The following ANGPT1 variants were observed in gnomAD, a reference collection of about 807,000 sequenced individuals.
The protein encoded by ANGPT1 is angiopoietin 1.
ANGPT1 carries 17 observed loss-of-function variants against 62.2 expected under a neutral mutation model. That is an observed-to-expected ratio of 0.27 (90% CI 0.19 to 0.41). ANGPT1 has a LOEUF of 0.41. ANGPT1 is among the 10% of genes least tolerant of loss of function. The pLI is 1.00. For synonymous variants in ANGPT1, 199 were observed against 198.9 expected (o/e 1.00, Z 0.00); for missense variants, 478 against 594.9 (o/e 0.80, Z 2.04).
chr8:107,322,696 A>T, intron 3 of ANGPT1: 1 of 318,008 alleles, frequency 3.1e-6, no homozygotes, highest in Non-Finnish European at 6.1e-6. Flanking sequence ...ATGTACAATG[A>T]CATTAAGAAA....
intron 3 of ANGPT1, among the ~76,000 whole-genome samples, chr8:107,324,618 G>C (rs141610228): frequency 8.9e-4 from 136 of 152,280 alleles, no homozygotes; most frequent in African/African-American, 3.2e-3. Flanking sequence ...AGAGGAAAAA[G>C]AAGTGTGGCC....
intron 1 of ANGPT1, among the ~76,000 whole-genome samples, chr8:107,457,553 T>C (rs1465236015): frequency 6.6e-6 from 1 of 152,074 alleles, no homozygotes; most frequent in Non-Finnish European, 1.5e-5. Flanking sequence ...AGCAGAAATG[T>C]ACAATAATAG....
intron 7 of ANGPT1, among the ~76,000 whole-genome samples, chr8:107,265,175 C>T (rs1277587020): frequency 1.3e-5 from 2 of 151,828 alleles, no homozygotes; most frequent in Non-Finnish European, 2.9e-5. Context: ...ATCAGTGGCC[C>T]TCTAATGGAT....
chr8:107,446,678 C>T (rs542018280), intron 1 of ANGPT1, among the ~76,000 whole-genome samples: 136 of 152,086 alleles, frequency 8.9e-4, no homozygotes, highest in Non-Finnish European at 1.7e-3. Flanking sequence ...GCTTTGAAAA[C>T]GTAAATGTTG....
At chr8:107,309,058 C>T (rs1167390002) in intron 4 of ANGPT1, among the ~76,000 whole-genome samples, 1 of 152,166 alleles carries the variant, frequency 6.6e-6, no homozygotes, top group African/African-American at 2.4e-5. Context: ...CTCAGCAACA[C>T]TAGCCGAGAA....
At position 107,341,696 on chromosome 8, in the gene ANGPT1, C is replaced by G. The variant is rs147834447; in HGVS notation, c.453+5246G>C. Among the ~76,000 whole-genome samples the G allele has an allele frequency of 4.2e-4, 64 of 150,866 alleles. No individual in the cohort carries two copies. The East Asian group carries it at 0.01, about 24-fold the overall frequency. On this transcript the variant is annotated intron_variant, in intron 2 of 8. Coordinates refer to ENST00000517746, the MANE Select transcript of ANGPT1 (RefSeq NM_001146.5). The stretch of plus-strand genomic sequence containing the variant: ...TATATTTATAATATAATAACCACTT[C>G]ATTTGGTTACAGAATTTAATAGAGA...
chr8:107,462,333 C>T (rs1198678605), intron 1 of ANGPT1, among the ~76,000 whole-genome samples: 1 of 150,946 alleles, frequency 6.6e-6, no homozygotes, highest in Non-Finnish European at 1.5e-5. Context: ...GTCTGGGTAG[C>T]ACGAACATAA....
intron 1 of ANGPT1, among the ~76,000 whole-genome samples, chr8:107,434,169 A>C (rs1044170509): frequency 6.6e-6 from 1 of 152,198 alleles, no homozygotes; most frequent in African/African-American, 2.4e-5. Flanking sequence ...GTAGAGAGAA[A>C]AGGTAATAAC....
intron 1 of ANGPT1, among the ~76,000 whole-genome samples, chr8:107,428,784 T>C (rs1811103907): frequency 6.6e-6 from 1 of 152,170 alleles, no homozygotes; most frequent in African/African-American, 2.4e-5. Context: ...ATTTGTTATT[T>C]TGACCTCTTG....
intron 1 of ANGPT1, among the ~76,000 whole-genome samples, chr8:107,457,301 C>T (rs1246435277): frequency 6.6e-6 from 1 of 152,030 alleles, no homozygotes; most frequent in Non-Finnish European, 1.5e-5. Context: ...ATATGAATGT[C>T]TTCCTGTCAT....
chr8:107,270,014 C>T (rs11783846), intron 7 of ANGPT1, among the ~76,000 whole-genome samples: 30,627 of 151,910 alleles, frequency 0.2, 3,272 homozygotes, highest in East Asian at 0.31. Flanking sequence ...CATCACATTT[C>T]TTAATGAATA....
chr8:107,469,727 C>G (rs1399015408), intron 1 of ANGPT1, among the ~76,000 whole-genome samples: 1 of 152,034 alleles, frequency 6.6e-6, no homozygotes, highest in Non-Finnish European at 1.5e-5. Context: ...TCCATCCCTA[C>G]TTTATGCAAT....
intron 8 of ANGPT1, among the ~76,000 whole-genome samples, chr8:107,253,657 G>C (rs917355743): frequency 6.6e-6 from 1 of 152,140 alleles, no homozygotes; most frequent in Non-Finnish European, 1.5e-5. Flanking sequence ...GTTGCATTGG[G>C]GTAAAATGTG....
At chr8:107,280,293 G>A (rs776989447) in intron 7 of ANGPT1, among the ~76,000 whole-genome samples, 2 of 151,526 alleles carry the variant, frequency 1.3e-5, no homozygotes, top group Non-Finnish European at 2.9e-5. Context: ...CTCCACCTCC[G>A]GGGTTCAAGT....
At chr8:107,297,581 A>G (rs1176281651) in intron 5 of ANGPT1, among the ~76,000 whole-genome samples, 1 of 149,118 alleles carries the variant, frequency 6.7e-6, no homozygotes, top group Non-Finnish European at 1.5e-5. Context: ...TAGTTATATA[A>G]CATTGCATAC....
chr8:107,355,794 C>A (rs2130187527), intron 1 of ANGPT1, among the ~76,000 whole-genome samples: 1 of 152,160 alleles, frequency 6.6e-6, no homozygotes, highest in South Asian at 2.1e-4. Context: ...AGCACCTGTA[C>A]CTCTGTTTTT....
intron 1 of ANGPT1, among the ~76,000 whole-genome samples, chr8:107,375,980 C>T (rs1258830650): frequency 6.6e-6 from 1 of 152,124 alleles, no homozygotes; most frequent in Non-Finnish European, 1.5e-5. Flanking sequence ...CAGGAAAGGG[C>T]CTATGGGAAG....
At chr8:107,357,306 T>C (rs1816067013) in intron 1 of ANGPT1, among the ~76,000 whole-genome samples, 1 of 152,206 alleles carries the variant, frequency 6.6e-6, no homozygotes, top group Admixed American at 6.5e-5. Flanking sequence ...AAAAGCAACT[T>C]GGTATGCATT....
At chr8:107,466,110 C>T (rs11775510) in intron 1 of ANGPT1, among the ~76,000 whole-genome samples, 47 of 152,018 alleles carry the variant, frequency 3.1e-4, no homozygotes, top group African/African-American at 8.0e-4. Context: ...TTTTGTATGG[C>T]GGAAGAAGAT....
Sources: gnomAD v4.1 joint callset for allele counts (sites outside exome capture counted in the v4.1 genomes callset) on GRCh38, gnomAD v4.1.1 for gene constraint, MANE v1.5 for transcripts, NCBI Gene and HGNC (gene_info 2026-07-23, HGNC 2026-07-21) for gene names.